The following KMT2C variants were observed in gnomAD, a reference collection of about 807,000 sequenced individuals.
KMT2C encodes lysine methyltransferase 2C.
Under a neutral mutation model 507.9 loss-of-function variants are expected in KMT2C, and 88 were observed. The ratio of observed to expected loss-of-function variants is 0.17; its 90% confidence interval spans 0.15 to 0.21. The LOEUF is 0.21. Ranked by LOEUF, KMT2C falls within the 10% of genes least tolerant of loss-of-function variation. KMT2C has a pLI of 1.00. For missense variants in KMT2C, 4,954 were observed against 5,957.8 expected (o/e 0.83, Z 5.55); for synonymous variants, 2,049 against 2,080.8 (o/e 0.98, Z 0.42).
chr7:152,144,878 A>C lies in KMT2C; in HGVS notation c.14178T>G (p.Pro4726=), dbSNP rs764137248. 7.5e-6 allele frequency: 12 copies of C among 1,609,046 alleles called. No individual in the cohort carries two copies. In the East Asian group the frequency reaches 2.7e-4, roughly 36 times the overall value. The part of the protein sequence containing the change: ...SAHVKRFVLR[P]HTLNSTSTSK... ...AGGTGCTGGTGCTGTTTAAGGTGTGAGGCCTGCAGACAATGGCATATCAAC... is the reference window on the plus strand; with the variant it reads ...AGGTGCTGGTGCTGTTTAAGGTGTGCGGCCTGCAGACAATGGCATATCAAC... Residue 4726 remains proline (P), a synonymous_variant, in exon 55 of 59, where the codon CCT becomes CCG. Transcript: ENST00000262189. This position sits in a 1 kb window ranked among gnomAD's most constrained non-coding sequence, Gnocchi z 4.4.
At chr7:152,219,200 C>A (rs1420451164) in intron 23 of KMT2C, among the ~76,000 whole-genome samples, 1 of 152,100 alleles carries the variant, frequency 6.6e-6, no homozygotes, top group Non-Finnish European at 1.5e-5. Flanking sequence ...GAACTCCTGA[C>A]CACAAGTGAT....
chr7:152,305,554 C>CTT (rs749256774), intron 6 of KMT2C, among the ~76,000 whole-genome samples: 2 of 142,430 alleles, frequency 1.4e-5, no homozygotes, highest in African/African-American at 2.6e-5. Flanking sequence ...AGCAAGGAAT[C>CTT]TTTTTTTTTT....
At chr7:152,430,086 G>A (rs1291106039) in intron 1 of KMT2C, among the ~76,000 whole-genome samples, 1 of 151,308 alleles carries the variant, frequency 6.6e-6, no homozygotes, top group African/African-American at 2.4e-5. Flanking sequence ...GCTGAGTCAG[G>A]CGAATCGCTT....
chr7:152,258,508 T>C (rs375906108), intron 9 of KMT2C, among the ~76,000 whole-genome samples: 1 of 151,940 alleles, frequency 6.6e-6, no homozygotes, highest in South Asian at 2.1e-4. Context: ...TTTGTTGTTG[T>C]TGTTGTTGTT....
intron 6 of KMT2C, among the ~76,000 whole-genome samples, chr7:152,291,291 A>G (rs1390126778): frequency 1.3e-5 from 2 of 152,286 alleles, no homozygotes; most frequent in Non-Finnish European, 2.9e-5. Flanking sequence ...TTCTGCCTCT[A>G]TATCTAACAA....
intron 18 of KMT2C, among the ~76,000 whole-genome samples, chr7:152,228,704 T>TAGA (rs889087752): frequency 6.6e-6 from 1 of 152,186 alleles, no homozygotes; most frequent in African/African-American, 2.4e-5. Context: ...TCAATTTCCT[T>TAGA]AGGTCCAAAA....
chr7:152,322,802 T>C (rs1426925781), intron 3 of KMT2C, among the ~76,000 whole-genome samples: 3 of 151,918 alleles, frequency 2.0e-5, no homozygotes, highest in East Asian at 1.9e-4. Context: ...CCAAAATATA[T>C]ATGGAACCCA....
intron 37 of KMT2C, among the ~76,000 whole-genome samples, chr7:152,179,474 A>G (rs1224422258): frequency 6.6e-6 from 1 of 152,164 alleles, no homozygotes; most frequent in Non-Finnish European, 1.5e-5. Context: ...AAACAAAGGT[A>G]ATGTTTTCAG....
intron 31 of KMT2C, among the ~76,000 whole-genome samples, chr7:152,193,281 C>T (rs539503594): frequency 8.4e-4 from 128 of 152,314 alleles, no homozygotes; most frequent in African/African-American, 2.8e-3. Context: ...CCTATCTACT[C>T]ATACAGACCT....
At chr7:152,389,321 T>C (rs1050688693) in intron 1 of KMT2C, among the ~76,000 whole-genome samples, 3 of 137,120 alleles carry the variant, frequency 2.2e-5, no homozygotes, top group African/African-American at 8.6e-5. Flanking sequence ...GCAGAGATCG[T>C]GCAGCCTGGT....
intron 6 of KMT2C, among the ~76,000 whole-genome samples, chr7:152,307,201 GGAAGGAAGGA>G (rs1563802406): frequency 3.6e-4 from 29 of 80,658 alleles, no homozygotes; most frequent in African/African-American, 1.3e-3. Context: ...GAGGGAGGAA[GGAAGGAAGGA>G]AGGAAGGAAG....
At chr7:152,240,986 C>T (rs1345853121) in intron 14 of KMT2C, among the ~76,000 whole-genome samples, 3 of 152,170 alleles carry the variant, frequency 2.0e-5, no homozygotes, top group Non-Finnish European at 4.4e-5. Flanking sequence ...TATTTCAAAC[C>T]TTCAATTGCT....
intron 42 of KMT2C, 42 bp from the exon 43 acceptor site, chr7:152,163,868 T>G (rs369557900): frequency 6.4e-7 from 1 of 1,572,788 alleles, no homozygotes; most frequent in South Asian, 1.1e-5. Context: ...CTATACAGCA[T>G]AGGTACTGAA....
chr7:152,153,943 ACACCTGACC>A, intron 48 of KMT2C, 58 bp downstream of exon 48: 1 of 1,480,714 alleles, frequency 6.8e-7, no homozygotes, highest in Non-Finnish European at 9.4e-7. Context: ...TTTATGGTAG[ACACCTGACC>A]CATCTTTGAA....
chr7:152,227,874 CCAGT>C (rs1014904683), intron 18 of KMT2C, among the ~76,000 whole-genome samples: 15 of 152,112 alleles, frequency 9.9e-5, no homozygotes, highest in African/African-American at 3.4e-4. Context: ...TGAAGCACAA[CCAGT>C]CAGAGTACAA....
chr7:152,255,301 G>A (rs2129168643), intron 9 of KMT2C, among the ~76,000 whole-genome samples: 1 of 150,876 alleles, frequency 6.6e-6, no homozygotes, highest in East Asian at 1.9e-4. Context: ...TGAGTAACTG[G>A]GACTATAGGC....
intron 52 of KMT2C, 129 bp from the exon 53 acceptor site, chr7:152,146,864 A>C (rs1022047732): frequency 1.2e-6 from 1 of 855,796 alleles, no homozygotes; most frequent in Non-Finnish European, 1.8e-6. Flanking sequence ...CAATAATCTA[A>C]TAAATCTGTT....
rs535118581 is a variant in KMT2C, at chr7:152,167,366, C to T, written c.9530G>A (p.Arg3177His). 3.4e-5 allele frequency: 54 copies of T among 1,605,250 alleles called. No homozygotes were observed. The highest frequency in any genetic ancestry group is 1.7e-4 in the Middle Eastern group (1 of 6,056). ...FGPGFVNDSQ[R>H]KQYEEWLQET... ...CTGGAGCCACTCTTCATACTGCTTACGCTGTGAATCATCTGAGGAAAAATT... is the reference window on the plus strand; with the variant it reads ...CTGGAGCCACTCTTCATACTGCTTATGCTGTGAATCATCTGAGGAAAAATT... Residue 3177 changes from arginine to histidine, a missense_variant, in exon 42 of 59, where the codon CGT becomes CAT. Physicochemically the swap from Arg to His is conservative, Grantham distance 29. This residue lies in a region of KMT2C where 71 missense variants were observed against 139.2 expected (regional missense o/e 0.51). Coordinates refer to ENST00000262189, the MANE Select transcript of KMT2C (RefSeq NM_170606.3).
Position 152,162,978 on chromosome 7 carries a change from C to T in KMT2C, c.10599G>A (p.Lys3533=), listed in dbSNP as rs1409570941. 1 of 1,614,162 alleles carries T rather than the reference C, an allele frequency of 6.2e-7. No homozygotes were observed. Among genetic ancestry groups the T allele is most frequent in the Non-Finnish European group, 8.5e-7 (1 of 1,180,030 alleles). ...PVGSPNFSSV[K]QGHGNLSGTS... is the part of the protein sequence containing the mutation. ...TCCCAGAAAGATTTCCATGTCCCTG[C>T]TTCACAGAAGAAAAATTTGGGCTTC... is the stretch of plus-strand genomic sequence containing the variant. The change falls in exon 43 of 59, where the codon AAG becomes AAA. Residue 3533 remains lysine (K), a synonymous_variant. Transcript: ENST00000262189.
Sources: gnomAD v4.1 joint callset for allele counts (sites outside exome capture counted in the v4.1 genomes callset) on GRCh38, gnomAD v4.1.1 for gene constraint, gnomAD v4.1.1 regional missense constraint, Gnocchi (gnomAD v3.1) non-coding constraint, MANE v1.5 for transcripts, NCBI Gene and HGNC (gene_info 2026-07-23, HGNC 2026-07-21) for gene names.